Variants in LAMA2 observed in about 807,000 individuals in gnomAD.
The protein encoded by LAMA2 is laminin subunit alpha 2, also known as laminin subunit alpha-2.
In LAMA2, 269 loss-of-function variants were observed where a neutral mutation model predicts 364.8. The observed-to-expected ratio is 0.74, with a 90% CI of 0.67 to 0.82. The LOEUF is 0.82. LAMA2 is among the 40% of genes least tolerant of loss of function. The pLI, the probability that LAMA2 is intolerant of heterozygous loss-of-function variation, is 0.00. For missense variants in LAMA2, 3,807 were observed against 3,873.2 expected, an observed-to-expected ratio of 0.98 and a Z score of 0.45; for synonymous variants, 1,379 against 1,370.6, an observed-to-expected ratio of 1.01 and a Z score of -0.14.
chr6:129,023,234 A>G (rs186191889), intron 1 of LAMA2, among the ~76,000 whole-genome samples: 1 of 152,238 alleles, frequency 6.6e-6, no homozygotes, highest in African/African-American at 2.4e-5. Flanking sequence ...TGAATTCTTT[A>G]TGGCATTTAA....
At chr6:129,105,643 A>G (rs2114888391) in intron 4 of LAMA2, among the ~76,000 whole-genome samples, 1 of 152,316 alleles carries the variant, frequency 6.6e-6, no homozygotes, top group Middle Eastern at 3.4e-3. Context: ...TTCCAACTGA[A>G]GAAAGAGACT....
At chr6:129,186,575 C>CAAAA (rs1781241596) in intron 10 of LAMA2, among the ~76,000 whole-genome samples, 1 of 151,696 alleles carries the variant, frequency 6.6e-6, no homozygotes, top group Non-Finnish European at 1.5e-5. Flanking sequence ...GAGGACACTG[C>CAAAA]AACAGTAGCC....
intron 9 of LAMA2, among the ~76,000 whole-genome samples, chr6:129,167,199 T>C (rs58421460): frequency 0.016 from 2,481 of 152,158 alleles, 61 homozygotes; most frequent in African/African-American, 0.056. Context: ...TTAGGGTACA[T>C]GTGCACAATG....
chr6:129,008,292 G>A (rs1038971900), intron 1 of LAMA2, among the ~76,000 whole-genome samples: 1 of 152,018 alleles, frequency 6.6e-6, no homozygotes, highest in Non-Finnish European at 1.5e-5. Context: ...TTTGGGGATA[G>A]AAGGTAATAT....
At chr6:129,068,611 GGATTTCAACATAT>G (rs539825059) in intron 3 of LAMA2, among the ~76,000 whole-genome samples, 147 of 152,310 alleles carry the variant, frequency 9.7e-4, no homozygotes, top group African/African-American at 3.4e-3. Flanking sequence ...TTAGGGGTTA[GGATTTCAACATAT>G]GAATTTTAGG....
intron 12 of LAMA2, among the ~76,000 whole-genome samples, chr6:129,219,901 A>C (rs1043797945): frequency 2.7e-4 from 41 of 151,202 alleles, no homozygotes; most frequent in Admixed American, 2.5e-3. Flanking sequence ...GCACACCAGC[A>C]TGGCACATGT....
chr6:128,966,968 G>C (rs1180272906), intron 1 of LAMA2, among the ~76,000 whole-genome samples: 3 of 152,168 alleles, frequency 2.0e-5, no homozygotes. Flanking sequence ...TCATAATACA[G>C]CTAGTGAAGG....
intron 12 of LAMA2, among the ~76,000 whole-genome samples, chr6:129,234,211 A>G (rs997292752): frequency 2.0e-5 from 3 of 152,218 alleles, no homozygotes; most frequent in Admixed American, 6.6e-5. Context: ...GCCTGGAGAT[A>G]TATGCATTAG....
At chr6:129,019,489 CT>C (rs1306242347) in intron 1 of LAMA2, among the ~76,000 whole-genome samples, 1 of 151,526 alleles carries the variant, frequency 6.6e-6, no homozygotes, top group Non-Finnish European at 1.5e-5. Context: ...ATGCCTTCAA[CT>C]TTTTTGTCCA....
intron 1 of LAMA2, among the ~76,000 whole-genome samples, chr6:128,943,269 C>CACACAGAGAGAGAGAGAGAGAG (rs1365657711): frequency 4.2e-5 from 6 of 143,192 alleles, no homozygotes; most frequent in African/African-American, 1.6e-4. Context: ...TATATATACA[C>CACACAGAGAGAGAGAGAGAGAG]AGAGAGAGAG....
At chr6:129,066,612 T>TGCCGAATA (rs1789372767) in intron 3 of LAMA2, among the ~76,000 whole-genome samples, 1 of 151,936 alleles carries the variant, frequency 6.6e-6, no homozygotes, top group Non-Finnish European at 1.5e-5. Flanking sequence ...CCACAAAAGG[T>TGCCGAATA]GCTAAAGCAA....
At chr6:129,461,410 G>A (rs1244093999) in intron 49 of LAMA2, among the ~76,000 whole-genome samples, 1 of 151,942 alleles carries the variant, frequency 6.6e-6, no homozygotes, top group Non-Finnish European at 1.5e-5. Flanking sequence ...TGAAATTGAG[G>A]ATAGTTTGAA....
rs573393796 is a variant in LAMA2, at chr6:129,176,497, T to G, written c.1307-1209T>G. On this transcript the variant is annotated intron_variant, in intron 9 of 64. Transcript: ENST00000421865. ...TTTTCTTACTTCATCTGTAAATACT[T>G]AAGATGAGTAAGTTAGCATCATTTT... is the stretch of plus-strand genomic sequence containing the variant. Among the ~76,000 whole-genome samples the G allele has an allele frequency of 9.2e-4, 140 of 152,166 alleles. 1 individual carries two copies. Among genetic ancestry groups the G allele is most frequent in the African/African-American group, 3.1e-3 (130 of 41,586 alleles).
intron 1 of LAMA2, among the ~76,000 whole-genome samples, chr6:129,042,974 T>A (rs1249074613): frequency 6.6e-6 from 1 of 152,152 alleles, no homozygotes; most frequent in Non-Finnish European, 1.5e-5. Context: ...TCTATGAACA[T>A]TTTTGTTTAG....
At chr6:129,243,326 T>C (rs1173521422) in intron 12 of LAMA2, among the ~76,000 whole-genome samples, 1 of 152,162 alleles carries the variant, frequency 6.6e-6, no homozygotes, top group Non-Finnish European at 1.5e-5. Context: ...AAATTCATGT[T>C]GGCCTCTCAT....
At chr6:129,440,166 C>G (rs1458391561) in intron 42 of LAMA2, among the ~76,000 whole-genome samples, 1 of 152,042 alleles carries the variant, frequency 6.6e-6, no homozygotes, top group Non-Finnish European at 1.5e-5. Flanking sequence ...CTAACCTATA[C>G]ACACTAGTAG....
chr6:129,300,271 A>T (rs1173613356), intron 21 of LAMA2, among the ~76,000 whole-genome samples: 2 of 152,194 alleles, frequency 1.3e-5, no homozygotes, highest in Admixed American at 6.5e-5. Context: ...TATATACATG[A>T]TGTACCGAAT....
At chr6:129,434,419 TGTGTAGCCTTTGA>T (rs907353544) in intron 41 of LAMA2, among the ~76,000 whole-genome samples, 5 of 152,158 alleles carry the variant, frequency 3.3e-5, no homozygotes, top group South Asian at 4.1e-4. Context: ...GACGTATGTG[TGTGTAGCCTTTGA>T]GTTTTGGTGG....
At chr6:129,097,798 G>A (rs1775275852) in intron 3 of LAMA2, among the ~76,000 whole-genome samples, 1 of 152,166 alleles carries the variant, frequency 6.6e-6, no homozygotes, top group Admixed American at 6.5e-5. Flanking sequence ...TTCACACTGG[G>A]AATTTCTAGC....
Sources: allele counts gnomAD v4.1 joint callset (sites outside exome capture counted in the v4.1 genomes callset), GRCh38; gene constraint gnomAD v4.1.1; transcripts MANE v1.5; gene names NCBI Gene and HGNC (gene_info 2026-07-23, HGNC 2026-07-21).